The following PRRX1 variants were observed in gnomAD, a reference collection of about 807,000 sequenced individuals.
The protein encoded by PRRX1 is paired mesoderm homeobox protein 1.
In PRRX1, 8 loss-of-function variants were observed where a neutral mutation model predicts 24.0. The observed-to-expected ratio is 0.33, with a 90% CI of 0.20 to 0.60. The LOEUF (loss-of-function observed/expected upper bound fraction) is 0.60. Ranked by LOEUF, PRRX1 falls within the 20% of genes least tolerant of loss-of-function variation. PRRX1 has a pLI of 0.82. For missense variants in PRRX1, 281 were observed against 322.4 expected (o/e 0.87, Z 0.98); for synonymous variants, 160 against 131.7 (o/e 1.22, Z -1.47).
At chr1:170,680,136 C>T (rs4656220) in intron 1 of PRRX1, among the ~76,000 whole-genome samples, 48,029 of 151,786 alleles carry the variant, frequency 0.32, 8,546 homozygotes, top group East Asian at 0.59. Flanking sequence ...AGGTACGTTT[C>T]AGGGCTCTTG....
chr1:170,664,046 T>C (rs1392958964), upstream of PRRX1: 1 of 42,878 alleles, frequency 2.3e-5, no homozygotes, highest in Non-Finnish European at 3.8e-5. Context: ...TCTTTTCCAA[T>C]TTTTTTTTTT....
intron 1 of PRRX1, among the ~76,000 whole-genome samples, chr1:170,691,795 T>C (rs1277979971): frequency 1.3e-5 from 2 of 152,012 alleles, no homozygotes; most frequent in African/African-American, 2.4e-5. Context: ...ATAGTCCAAA[T>C]GGTTTAACGT....
intron 1 of PRRX1, among the ~76,000 whole-genome samples, chr1:170,693,716 T>C (rs1654068440): frequency 6.6e-6 from 1 of 152,108 alleles, no homozygotes; most frequent in Non-Finnish European, 1.5e-5. Flanking sequence ...TAAAATTTCT[T>C]TGGAAGTTGG....
At chr1:170,725,796 A>T (rs905853645) in intron 2 of PRRX1, among the ~76,000 whole-genome samples, 8 of 152,240 alleles carry the variant, frequency 5.3e-5, no homozygotes, top group Admixed American at 3.3e-4. Context: ...AAATATAATT[A>T]TTATGAAAGC....
At chr1:170,673,439 C>T (rs1468235276) in intron 1 of PRRX1, among the ~76,000 whole-genome samples, 2 of 152,138 alleles carry the variant, frequency 1.3e-5, no homozygotes, top group Admixed American at 6.5e-5. Context: ...TGGTGGAACA[C>T]CTTTCTAATC....
chr1:170,713,367 C>A (rs1033147545), intron 1 of PRRX1, among the ~76,000 whole-genome samples: 3 of 152,164 alleles, frequency 2.0e-5, no homozygotes, highest in Non-Finnish European at 4.4e-5. Flanking sequence ...GTTGGATATT[C>A]TCAGGGGTTC....
chr1:170,698,522 T>G (rs1247873108), intron 1 of PRRX1, among the ~76,000 whole-genome samples: 1 of 152,230 alleles, frequency 6.6e-6, no homozygotes, highest in African/African-American at 2.4e-5. Flanking sequence ...TGTTTTAGAA[T>G]CACAGTAGAG....
chr1:170,708,729 CT>C (rs1482160894), intron 1 of PRRX1, among the ~76,000 whole-genome samples: 3 of 152,184 alleles, frequency 2.0e-5, no homozygotes, highest in Non-Finnish European at 4.4e-5. Flanking sequence ...ATTCTACACA[CT>C]TTGTTCACCT....
At chr1:170,701,235 T>G (rs1654349324) in intron 1 of PRRX1, among the ~76,000 whole-genome samples, 1 of 152,200 alleles carries the variant, frequency 6.6e-6, no homozygotes, top group Admixed American at 6.5e-5. Flanking sequence ...TCCTCCATTA[T>G]CTTACATAAC....
At chr1:170,669,963 A>G (rs546058642) in intron 1 of PRRX1, among the ~76,000 whole-genome samples, 19 of 152,346 alleles carry the variant, frequency 1.2e-4, no homozygotes, top group African/African-American at 4.6e-4. Flanking sequence ...TGGGGGTCAG[A>G]GTATCCTCTC....
chr1:170,718,662 T>C (rs969975343), intron 1 of PRRX1, among the ~76,000 whole-genome samples: 2 of 152,318 alleles, frequency 1.3e-5, no homozygotes, highest in African/African-American at 4.8e-5. Flanking sequence ...AGATGGAGCA[T>C]GTGACTTGGG....
chr1:170,713,850 G>T (rs961897776), intron 1 of PRRX1, among the ~76,000 whole-genome samples: 2 of 152,198 alleles, frequency 1.3e-5, no homozygotes, highest in Non-Finnish European at 2.9e-5. Flanking sequence ...ACAAAGTTTA[G>T]GGGCTTTAGT....
chr1:170,718,632 G>C (rs974475010), intron 1 of PRRX1, among the ~76,000 whole-genome samples: 1 of 152,194 alleles, frequency 6.6e-6, no homozygotes, highest in Non-Finnish European at 1.5e-5. Flanking sequence ...AAGCTATGGG[G>C]AATGTAAGTC....
At chr1:170,726,640 C>G in intron 3 of PRRX1, 1 of 503,894 alleles carries the variant, frequency 2.0e-6, no homozygotes, top group Non-Finnish European at 3.5e-6. Flanking sequence ...GACTCAGGAA[C>G]TCTTGCAAAG....
At chr1:170,707,466 C>T (rs1044831048) in intron 1 of PRRX1, among the ~76,000 whole-genome samples, 6 of 152,184 alleles carry the variant, frequency 3.9e-5, no homozygotes, top group African/African-American at 1.4e-4. Flanking sequence ...AAATCAGTTA[C>T]CATGCACACA....
In PRRX1 at chr1:170,671,018, T is replaced by A. The variant is rs1381855654; in HGVS notation, c.241+6559T>A. ...TCCCGAGAACTTTGGGGCTTATTTTTACCATCATTGAGTCTGCCCAGGCTC... is the reference window on the plus strand; with the variant it reads ...TCCCGAGAACTTTGGGGCTTATTTTAACCATCATTGAGTCTGCCCAGGCTC... On this transcript the variant is annotated intron_variant, in intron 1 of 3. Coordinates refer to ENST00000239461, the MANE Select transcript of PRRX1 (RefSeq NM_022716.4). Among the ~76,000 whole-genome samples, 4 of 152,208 alleles carry A rather than the reference T, an allele frequency of 2.6e-5. No individual in the cohort carries two copies. The East Asian group carries it at 7.7e-4, about 29-fold the overall frequency.
intron 1 of PRRX1, among the ~76,000 whole-genome samples, chr1:170,670,301 A>G (rs1653103683): frequency 6.6e-6 from 1 of 152,202 alleles, no homozygotes; most frequent in African/African-American, 2.4e-5. Context: ...ATCCACAAGA[A>G]TTTGGATTCC....
chr1:170,735,962 G>T, intron 3 of PRRX1, 86 bp from the exon 4 acceptor site: 1 of 1,567,928 alleles, frequency 6.4e-7, no homozygotes, highest in Non-Finnish European at 8.8e-7. Flanking sequence ...CCCCCATGCT[G>T]AGAGTACATC....
intron 1 of PRRX1, among the ~76,000 whole-genome samples, chr1:170,709,452 G>A (rs77560711): frequency 0.023 from 3,545 of 152,256 alleles, 137 homozygotes; most frequent in African/African-American, 0.076. Flanking sequence ...CTGAGAAAAG[G>A]ATGCTAAGCT....
Sources: gnomAD v4.1 joint callset for allele counts (sites outside exome capture counted in the v4.1 genomes callset) on GRCh38, gnomAD v4.1.1 for gene constraint, MANE v1.5 for transcripts, NCBI Gene and HGNC (gene_info 2026-07-23, HGNC 2026-07-21) for gene names.